ABAT: variants seen among roughly 807,000 people sequenced by gnomAD.
ABAT encodes 4-aminobutyrate aminotransferase, mitochondrial.
Under a neutral mutation model 64.6 loss-of-function variants are expected in ABAT, and 45 were observed. The ratio of observed to expected loss-of-function variants is 0.70; its 90% CI spans 0.55 to 0.89. ABAT has a LOEUF of 0.89. Ranked by LOEUF, ABAT falls within the 40% of genes least tolerant of loss-of-function variation. The pLI is 0.00. For synonymous variants in ABAT, 297 were observed against 250.5 expected (o/e 1.19, Z -1.75); for missense variants, 633 against 658.4 (o/e 0.96, Z 0.42).
chr16:8,720,316 G>A (rs186629093), intron 1 of ABAT, among the ~76,000 whole-genome samples: 73 of 152,282 alleles, frequency 4.8e-4, no homozygotes, highest in Admixed American at 1.6e-3. Flanking sequence ...TAATATATAT[G>A]GCCCAGCCAC....
intron 1 of ABAT, among the ~76,000 whole-genome samples, chr16:8,708,520 T>G (rs2058000766): frequency 6.6e-6 from 1 of 152,078 alleles, no homozygotes; most frequent in African/African-American, 2.4e-5. Flanking sequence ...AGGCTGGTCT[T>G]GAACTCCTGA....
chr16:8,774,840 C>G (rs1199538191), intron 12 of ABAT, 50 bp from the exon 13 acceptor site: 1 of 1,609,690 alleles, frequency 6.2e-7, no homozygotes. Context: ...GCATGAATTT[C>G]TGGCCTCCCA....
chr16:8,768,800 T>G (rs1425506836), intron 10 of ABAT, 25 bp from the exon 11 acceptor site: 2 of 1,614,040 alleles, frequency 1.2e-6, no homozygotes, highest in South Asian at 2.2e-5. Context: ...GCCAAGCGTC[T>G]GCTTTTCTGT....
chr16:8,744,426 G>A lies in ABAT; in HGVS notation c.71-1575G>A, dbSNP rs551412838. On this transcript the variant is annotated intron_variant, in intron 2 of 15. Coordinates refer to ENST00000268251, the MANE Select transcript of ABAT (RefSeq NM_020686.6). ...TTTGTTACCCAGTCTGAAGTGCAGT[G>A]GCACAATCTTGGCTCACTGCAGCCT... is the stretch of plus-strand genomic sequence containing the variant. Among the ~76,000 whole-genome samples, 6 of 151,884 alleles carry A rather than the reference G, an allele frequency of 4.0e-5. No individual in the cohort carries two copies. The South Asian group carries it at 8.3e-4, about 21-fold the overall frequency.
chr16:8,713,770 C>A (rs535894364), intron 1 of ABAT: 14 of 433,084 alleles, frequency 3.2e-5, no homozygotes, highest in South Asian at 2.2e-4. Flanking sequence ...AGGATGAACC[C>A]AGCCAGCTGC....
At chr16:8,770,267 A>G (rs969674768) in intron 11 of ABAT, among the ~76,000 whole-genome samples, 3 of 151,356 alleles carry the variant, frequency 2.0e-5, no homozygotes, top group Admixed American at 6.6e-5. Context: ...CTTCCTGAGT[A>G]GCTGGGACTA....
At chr16:8,697,659 G>A (rs1238960394) in intron 1 of ABAT, among the ~76,000 whole-genome samples, 3 of 150,550 alleles carry the variant, frequency 2.0e-5, no homozygotes, top group African/African-American at 4.9e-5. Context: ...TTTTGGAGAT[G>A]GGGTCTTGCT....
At chr16:8,739,895 T>C (rs2059114447) in intron 2 of ABAT, among the ~76,000 whole-genome samples, 1 of 151,672 alleles carries the variant, frequency 6.6e-6, no homozygotes, top group Admixed American at 6.6e-5. Context: ...TTGTCTTCTC[T>C]TTTGACTTAT....
intron 1 of ABAT, among the ~76,000 whole-genome samples, chr16:8,675,452 C>T (rs1158124865): frequency 6.6e-6 from 1 of 152,146 alleles, no homozygotes; most frequent in Non-Finnish European, 1.5e-5. Flanking sequence ...CTCCACTCCA[C>T]CCAAGCCCTT....
chr16:8,709,594 G>A (rs905485849), intron 1 of ABAT, among the ~76,000 whole-genome samples: 9 of 152,052 alleles, frequency 5.9e-5, no homozygotes, highest in Non-Finnish European at 1.2e-4. Flanking sequence ...AGCTGGTCTC[G>A]AACCCCTGAC....
chr16:8,754,844 A>T (rs2059606205), intron 5 of ABAT, among the ~76,000 whole-genome samples: 1 of 151,540 alleles, frequency 6.6e-6, no homozygotes, highest in East Asian at 1.9e-4. Context: ...TCAGCCTCCC[A>T]AGTAGCTGGG....
At chr16:8,723,258 A>G (rs548962026) in intron 1 of ABAT, among the ~76,000 whole-genome samples, 1 of 152,286 alleles carries the variant, frequency 6.6e-6, no homozygotes, top group African/African-American at 2.4e-5. Context: ...GAGGAAGCCG[A>G]GAGGCTATTT....
Position 8,779,687 on chromosome 16 carries a change from G to T in ABAT, c.1381+97G>T, listed in dbSNP as rs539323657. On this transcript the variant is annotated intron_variant, in intron 15 of 15. Transcript: ENST00000268251. The stretch of plus-strand genomic sequence containing the variant: ...TAGGTACTCAGCAATATTTTGTGTG[G>T]GGGGCAGGTGGTACACAGGTCTGAA... 1.0e-4 allele frequency: 97 copies of T among 942,166 alleles called. No individual in the cohort carries two copies. In the East Asian group the frequency reaches 1.5e-3, roughly 14 times the overall value. 58.4% of individuals were successfully genotyped at this position (942,166 alleles called of 1,614,324 possible). A position where few individuals can be genotyped will look rare whatever the true frequency, so the allele number is the denominator to read the frequency against.
At position 8,683,563 on chromosome 16, in the gene ABAT, AG is replaced by A. The variant is rs781004569; in HGVS notation, c.-42+8853del. On this transcript the variant is annotated intron_variant, in intron 1 of 15. Transcript: ENST00000268251. ...GGAACCCTGTTTCTAAAAAAAAAAA[AG>A]AGAGAGAGAGAGAGAGAAAAGAACT... is the stretch of plus-strand genomic sequence containing the variant. 3.0e-3 allele frequency: 450 copies of A among 148,042 alleles called. 1 individual carries two copies. Among genetic ancestry groups the A allele is most frequent in the African/African-American group, 9.8e-3 (386 of 39,540 alleles). The allele number at this position is 148,042 out of a possible 1,614,324, so 9.2% of individuals were successfully genotyped here.
chr16:8,748,122 G>A lies in ABAT; in HGVS notation c.183G>A (p.Gln61=). 4.3e-6 allele frequency: 7 copies of A among 1,613,652 alleles called. No individual in the cohort carries two copies. The highest frequency in any genetic ancestry group is 5.1e-6 in the Non-Finnish European group (6 of 1,179,700). Residue 61 remains glutamine, a synonymous_variant, in exon 4 of 16, where the codon CAG becomes CAA. Coordinates refer to ENST00000268251, the MANE Select transcript of ABAT (RefSeq NM_020686.6). ...CTTGCCTGCAGGAGTTAATGAAACA[G>A]CTGAATATAATTCAGGTAAGTGAGG... ...PGPRSQELMK[Q]LNIIQNAEAV... is the part of the protein sequence containing the mutation.
intron 1 of ABAT, among the ~76,000 whole-genome samples, chr16:8,680,909 G>A (rs192343679): frequency 6.6e-6 from 1 of 151,912 alleles, no homozygotes; most frequent in Non-Finnish European, 1.5e-5. Context: ...TTTGAATTGA[G>A]TTGTCTTTTT....
Position 8,776,369 on chromosome 16 carries a change from T to A in ABAT, c.1148T>A (p.Leu383Gln), listed in dbSNP as rs2142998232. ...CCCTACCGGATCTTCAACACCTGGC[T>A]GGGGGACCCGTCCAAGAACCTGTTG... ...NAPYRIFNTW[L>Q]GDPSKNLLLA... The change falls in exon 14 of 16, where the codon CTG becomes CAG. Residue 383 changes from leucine (L) to glutamine (Q), a missense_variant. Transcript: ENST00000268251. The surrounding 1 kb of genome is among the most constrained non-coding windows in gnomAD (Gnocchi z 4.4). 1.2e-6 allele frequency: 2 copies of A among 1,614,248 alleles called. No individual in the cohort carries two copies. The highest frequency in any genetic ancestry group is 1.7e-6 in the Non-Finnish European group (2 of 1,180,044).
chr16:8,772,653 C>T (rs974403920), intron 11 of ABAT, 127 bp from the exon 12 acceptor site: 30 of 1,339,034 alleles, frequency 2.2e-5, no homozygotes, highest in Non-Finnish European at 3.0e-5. Context: ...CTTCACTGGT[C>T]TTAGGAAATG....
intron 2 of ABAT, among the ~76,000 whole-genome samples, chr16:8,739,060 C>T (rs778751308): frequency 6.6e-6 from 1 of 152,244 alleles, no homozygotes; most frequent in Non-Finnish European, 1.5e-5. Flanking sequence ...GAAAGAGAGT[C>T]TGGCACAGAT....
Sources: allele counts gnomAD v4.1 joint callset (sites outside exome capture counted in the v4.1 genomes callset), GRCh38; gene constraint gnomAD v4.1.1; non-coding constraint Gnocchi (gnomAD v3.1); transcripts MANE v1.5; gene names NCBI Gene and HGNC (gene_info 2026-07-23, HGNC 2026-07-21).